The following TLE4 variants were observed in gnomAD, a reference collection of about 807,000 sequenced individuals.
TLE4 encodes the protein transducin-like enhancer protein 4.
TLE4 carries 8 observed loss-of-function variants against 92.8 expected under a neutral mutation model. That is an observed-to-expected ratio of 0.09 (90% CI 0.05 to 0.16). TLE4 has a LOEUF of 0.16. TLE4 is among the 10% of genes least tolerant of loss of function. The pLI, the probability that TLE4 is intolerant of heterozygous loss-of-function variation, is 1.00. For synonymous variants in TLE4, 371 were observed against 374.1 expected, an observed-to-expected ratio of 0.99 and a Z score of 0.10; for missense variants, 675 against 997.6, an observed-to-expected ratio of 0.68 and a Z score of 4.36.
At chr9:79,659,859 A>G (rs1587931058) in intron 8 of TLE4, among the ~76,000 whole-genome samples, 1 of 152,188 alleles carries the variant, frequency 6.6e-6, no homozygotes, top group Non-Finnish European at 1.5e-5. Context: ...ACTTATTTGG[A>G]CAGTGGATTT....
chr9:79,692,273 A>G (rs1239533350), intron 8 of TLE4, among the ~76,000 whole-genome samples: 1 of 151,628 alleles, frequency 6.6e-6, no homozygotes, highest in African/African-American at 2.4e-5. Context: ...CCAATCCAGG[A>G]GGGCAGGAAG....
intron 8 of TLE4, among the ~76,000 whole-genome samples, chr9:79,672,289 A>T (rs927748415): frequency 2.0e-5 from 3 of 152,100 alleles, no homozygotes; most frequent in Non-Finnish European, 4.4e-5. Flanking sequence ...TCATGGGAAG[A>T]GTGTGGTTTT....
chr9:79,722,475 A>T lies in TLE4; in HGVS notation c.2011A>T (p.Thr671Ser), dbSNP rs754621594. The T allele has an allele frequency of 6.2e-6, 10 of 1,614,084 alleles. No individual in the cohort carries two copies. Among genetic ancestry groups the T allele is most frequent in the Non-Finnish European group, 7.6e-6 (9 of 1,180,032 alleles). ...GATCTTTTCTCTGGGCTACTGCCCA[A>T]CTGGAGAGTGGCTTGCAGTGGGGAT... Reference protein sequence around the residue: ...SQIFSLGYCPTGEWLAVGMEN... With the variant: ...SQIFSLGYCPSGEWLAVGMEN... Residue 671 changes from threonine (T) to serine (S), a missense_variant, in exon 18 of 20, where the codon ACT becomes TCT. Coordinates refer to ENST00000376552, the MANE Select transcript of TLE4 (RefSeq NM_007005.6).
chr9:79,602,889 A>T (rs2045976602), intron 4 of TLE4, among the ~76,000 whole-genome samples: 1 of 152,128 alleles, frequency 6.6e-6, no homozygotes, highest in Non-Finnish European at 1.5e-5. Context: ...TGCCGTTAAG[A>T]ACATTTGTGG....
chr9:79,694,047 A>G (rs927058659), intron 8 of TLE4, among the ~76,000 whole-genome samples: 3 of 152,220 alleles, frequency 2.0e-5, no homozygotes, highest in Admixed American at 1.3e-4. Flanking sequence ...ATAAGGGTCA[A>G]CAACCTCTTT....
At chr9:79,680,885 CAT>C (rs772445123) in intron 8 of TLE4, among the ~76,000 whole-genome samples, 12 of 152,218 alleles carry the variant, frequency 7.9e-5, no homozygotes, top group Non-Finnish European at 1.3e-4. Context: ...TTGAGATAAT[CAT>C]GTGGTTTTTG....
At chr9:79,585,097 G>A (rs984202014) in intron 4 of TLE4, among the ~76,000 whole-genome samples, 3 of 152,116 alleles carry the variant, frequency 2.0e-5, no homozygotes, top group African/African-American at 4.8e-5. Flanking sequence ...TCTTTTCAAG[G>A]GACAAGGAAT....
At chr9:79,694,553 T>C (rs2067799318) in intron 8 of TLE4, among the ~76,000 whole-genome samples, 1 of 152,206 alleles carries the variant, frequency 6.6e-6, no homozygotes, top group African/African-American at 2.4e-5. Flanking sequence ...ATGTCTCATT[T>C]ATTTTCATTC....
intron 4 of TLE4, among the ~76,000 whole-genome samples, chr9:79,605,413 C>T (rs1447758831): frequency 6.6e-6 from 1 of 152,078 alleles, no homozygotes; most frequent in African/African-American, 2.4e-5. Context: ...TCATTCTCAA[C>T]CTTGATAATT....
At chr9:79,654,714 T>TA (rs1175579112) in intron 8 of TLE4, among the ~76,000 whole-genome samples, 1 of 151,008 alleles carries the variant, frequency 6.6e-6, no homozygotes, top group Non-Finnish European at 1.5e-5. Flanking sequence ...GGTATGCTTC[T>TA]ATACCTCCAG....
chr9:79,668,985 G>A (rs77648013), intron 8 of TLE4, among the ~76,000 whole-genome samples: 67 of 152,236 alleles, frequency 4.4e-4, no homozygotes, highest in African/African-American at 1.5e-3. Flanking sequence ...ATTGAGTGTC[G>A]GAGAAGCCCG....
At chr9:79,694,209 C>T (rs981139966) in intron 8 of TLE4, among the ~76,000 whole-genome samples, 1 of 152,092 alleles carries the variant, frequency 6.6e-6, no homozygotes, top group African/African-American at 2.4e-5. Flanking sequence ...AGCGATAGAC[C>T]AGGACTCACA....
chr9:79,596,309 A>G (rs1049800658), intron 4 of TLE4, among the ~76,000 whole-genome samples: 5 of 152,172 alleles, frequency 3.3e-5, no homozygotes, highest in African/African-American at 1.2e-4. Flanking sequence ...TTACTACTAT[A>G]TATAAAATTC....
intron 8 of TLE4, among the ~76,000 whole-genome samples, chr9:79,694,735 G>C (rs1262847405): frequency 6.6e-6 from 1 of 151,318 alleles, no homozygotes; most frequent in Non-Finnish European, 1.5e-5. Flanking sequence ...CTTATATTTG[G>C]CTTTTTCTTT....
chr9:79,668,448 G>A (rs1381732448), intron 8 of TLE4, among the ~76,000 whole-genome samples: 3 of 152,160 alleles, frequency 2.0e-5, no homozygotes, highest in Non-Finnish European at 4.4e-5. Context: ...GTGTTTAGCA[G>A]TTTACCCTTC....
At chr9:79,577,448 TAG>T (rs2038202695) in intron 4 of TLE4, among the ~76,000 whole-genome samples, 2 of 152,224 alleles carry the variant, frequency 1.3e-5, no homozygotes, top group Non-Finnish European at 2.9e-5. Flanking sequence ...ATTAGCATTA[TAG>T]TATAGTTTGA....
At chr9:79,613,280 T>G (rs760257566) in intron 5 of TLE4, among the ~76,000 whole-genome samples, 2 of 152,096 alleles carry the variant, frequency 1.3e-5, no homozygotes, top group Admixed American at 6.6e-5. Context: ...TTTCTCAAAA[T>G]TAGGCTTTGG....
At chr9:79,664,628 G>A (rs1587989856) in intron 8 of TLE4, among the ~76,000 whole-genome samples, 1 of 152,108 alleles carries the variant, frequency 6.6e-6, no homozygotes, top group African/African-American at 2.4e-5. Flanking sequence ...GACTAAATAC[G>A]TAAGCGTCCA....
At chr9:79,606,872 A>T (rs572822942) in intron 4 of TLE4, among the ~76,000 whole-genome samples, 1 of 152,270 alleles carries the variant, frequency 6.6e-6, no homozygotes, top group South Asian at 2.1e-4. Context: ...CATGATTTAT[A>T]ATCCTTTGGG....
Sources: allele counts gnomAD v4.1 joint callset (sites outside exome capture counted in the v4.1 genomes callset), GRCh38; gene constraint gnomAD v4.1.1; transcripts MANE v1.5; gene names NCBI Gene and HGNC (gene_info 2026-07-23, HGNC 2026-07-21).